The following ZNF527 variants were observed in gnomAD, a reference collection of about 807,000 sequenced individuals.
ZNF527 encodes zinc finger protein 527.
In ZNF527, 5 loss-of-function variants were observed where a neutral mutation model predicts 13.5. The observed-to-expected ratio is 0.37, with a 90% CI of 0.19 to 0.78. The LOEUF is 0.78. Ranked by LOEUF, ZNF527 falls within the 30% of genes least tolerant of loss-of-function variation. The probability of loss-of-function intolerance (pLI) is 0.48; values close to 1 mark genes in which losing one functional copy is unlikely to be tolerated. For missense variants in ZNF527, 628 were observed against 726.4 expected (o/e 0.86, Z 1.56); for synonymous variants, 209 against 243.1 (o/e 0.86, Z 1.30).
chr19:37,374,802 G>A (rs955996407), intron 2 of ZNF527, among the ~76,000 whole-genome samples: 8 of 152,184 alleles, frequency 5.3e-5, no homozygotes, highest in African/African-American at 1.7e-4. Context: ...GTGAAGGAGA[G>A]CCATTGGAAC....
rs33996770 is a variant in ZNF527, at chr19:37,390,034, C to CT, written c.*167dup. 50,222 of 726,630 alleles carry CT rather than the reference C, an allele frequency of 0.069. 264 individuals are homozygous for CT. The highest frequency in any genetic ancestry group is 0.11 in the African/African-American group (5,978 of 52,960). 45.0% of individuals were successfully genotyped at this position (726,630 alleles called of 1,614,324 possible). A position where few individuals can be genotyped will look rare whatever the true frequency, so the allele number is the denominator to read the frequency against. On this transcript the variant is annotated 3_prime_UTR_variant, in exon 5 of 5. Transcript: ENST00000436120. ...GTAGCTCAGTAGTAGACATCTGTTA[C>CT]TTTTTTTTTTTTCAGACAGAGTCTC...
chr19:37,374,469 G>A (rs2040583702), intron 2 of ZNF527, among the ~76,000 whole-genome samples: 1 of 152,260 alleles, frequency 6.6e-6, no homozygotes, highest in Non-Finnish European at 1.5e-5. Context: ...AGTCGGCAAT[G>A]AGTGCAAGTG....
rs1037350316 is a variant in ZNF527 at position 37,391,014 on chromosome 19, G to A, written c.*1135G>A. Reference sequence around the variant, plus strand: ...TCTTAGTTTTTTTCACATTATGGCTGAATATTTTAAAATTCACCAAGTAAA... The same window carrying A: ...TCTTAGTTTTTTTCACATTATGGCTAAATATTTTAAAATTCACCAAGTAAA... On this transcript the variant is annotated 3_prime_UTR_variant, in exon 5 of 5. Transcript: ENST00000436120. 3 of 152,048 alleles carry A rather than the reference G, an allele frequency of 2.0e-5. No homozygotes were observed. The highest frequency in any genetic ancestry group is 2.0e-4 in the Admixed American group (3 of 15,252). 9.4% of individuals were successfully genotyped at this position (152,048 alleles called of 1,614,324 possible).
At chr19:37,376,357 TA>T (rs1014069617) in intron 2 of ZNF527, among the ~76,000 whole-genome samples, 2 of 149,400 alleles carry the variant, frequency 1.3e-5, no homozygotes. Flanking sequence ...GACCCTGTCT[TA>T]AAAAAAAATA....
In ZNF527 at chr19:37,388,427, C is replaced by A. The variant is rs946340107; in HGVS notation, c.378C>A (p.Phe126Leu). The change falls in exon 5 of 5, where the codon TTC becomes TTA. Residue 126 changes from phenylalanine to leucine, a missense_variant. Physicochemically the swap from Phe to Leu is conservative, Grantham distance 22. Transcript: ENST00000436120. ...GTCATGGCCTTGAATGCTCCAGTTTCAGAGAAGCCTGGAAATATAAGGGTG... is the reference window on the plus strand; with the variant it reads ...GTCATGGCCTTGAATGCTCCAGTTTAAGAGAAGCCTGGAAATATAAGGGTG... ...LASHGLECSS[F>L]REAWKYKGEF... 1.2e-6 allele frequency: 2 copies of A among 1,613,994 alleles called. No homozygotes were observed. Among genetic ancestry groups the A allele is most frequent in the Non-Finnish European group, 1.7e-6 (2 of 1,180,036 alleles).
At position 37,389,515 on chromosome 19, in the gene ZNF527, A is replaced by G. The variant is rs773519260; in HGVS notation, c.1466A>G (p.His489Arg). 12 of 1,614,210 alleles carry G rather than the reference A, an allele frequency of 7.4e-6. No individual in the cohort carries two copies. Among genetic ancestry groups the G allele is most frequent in the East Asian group, 4.5e-5 (2 of 44,876 alleles). The stretch of plus-strand genomic sequence containing the variant: ...ACTGACTCACAACTTAATCGACATC[A>G]TAGAATTCACACTGGAGAGAGACCA... The part of the protein sequence containing the change: ...FRTDSQLNRH[H>R]RIHTGERPFE... Residue 489 changes from histidine (H) to arginine (R), a missense_variant, in exon 5 of 5, where the codon CAT (histidine) becomes CGT (arginine). Transcript: ENST00000436120.
chr19:37,392,200 GTCA>G lies in ZNF527; in HGVS notation c.*2326_*2328del, dbSNP rs994789789. On this transcript the variant is annotated 3_prime_UTR_variant, in exon 5 of 5. Coordinates refer to ENST00000436120, the MANE Select transcript of ZNF527 (RefSeq NM_032453.2). ...TATTAATATTATAAGCTTAATTCATGTCATCATTTCTTTATTTTTTATTATATT... is the reference window on the plus strand; with the variant it reads ...TATTAATATTATAAGCTTAATTCATGTCATTTCTTTATTTTTTATTATATT... 17 of 151,942 alleles carry G rather than the reference GTCA, an allele frequency of 1.1e-4. 1 individual carries two copies. Among genetic ancestry groups the G allele is most frequent in the South Asian group, 4.2e-4 (2 of 4,812 alleles). The allele number at this position is 151,942 out of a possible 1,614,324, so 9.4% of individuals were successfully genotyped here. A position where few individuals can be genotyped will look rare whatever the true frequency, so the allele number is the denominator to read the frequency against.
intron 2 of ZNF527, among the ~76,000 whole-genome samples, chr19:37,375,475 C>T (rs891660205): frequency 1.3e-5 from 2 of 151,186 alleles, no homozygotes; most frequent in Admixed American, 6.6e-5. Flanking sequence ...GATTCTCCTG[C>T]CTCAGCTTTC....
intron 4 of ZNF527, chr19:37,385,550 ATTTTC>A (rs879539980): frequency 2.8e-4 from 107 of 388,302 alleles, no homozygotes; most frequent in Non-Finnish European, 4.1e-4. Flanking sequence ...TTTGTTCATA[ATTTTC>A]TTTTATATTA....
Position 37,388,787 on chromosome 19 carries a change from T to G in ZNF527, c.738T>G (p.Tyr246Ter). 6.2e-7 allele frequency: 1 copy of G among 1,613,056 alleles called. No individual in the cohort carries two copies. The highest frequency in any genetic ancestry group is 8.5e-7 in the Non-Finnish European group (1 of 1,179,814). Residue 246 changes from tyrosine to a stop codon, truncating the protein, a stop_gained, in exon 5 of 5, where the codon TAT becomes TAG. Transcript: ENST00000436120. LOFTEE classifies it low-confidence loss of function (END_TRUNC). ...GAATTCCTCCTGGGGAGAAACCTTA[T>G]GAAAGTCATGATTTTTCAAAGCTCT... ...DIGIPPGEKP[Y>*]ESHDFSKLLS...
chr19:37,381,827 T>C (rs185368), intron 4 of ZNF527, among the ~76,000 whole-genome samples: 97,358 of 151,976 alleles, frequency 0.64, 32,840 homozygotes, highest in African/African-American at 0.86. Flanking sequence ...AGAGCTGCTC[T>C]TTCTCCTCCA....
chr19:37,384,151 C>G (rs2040678093), intron 4 of ZNF527, among the ~76,000 whole-genome samples: 1 of 151,826 alleles, frequency 6.6e-6, no homozygotes, highest in East Asian at 2.0e-4. Flanking sequence ...AACCCCGTCT[C>G]TACTAAAAAT....
Position 37,375,559 on chromosome 19 carries a change from C to T in ZNF527, c.33+1328C>T, listed in dbSNP as rs117069713. On this transcript the variant is annotated intron_variant, in intron 2 of 4. Transcript: ENST00000436120. ...GTATTTTTAGTAGAGATGGATTTCACGATGTTGGCCAAGATGGTCTTGATC... is the reference window on the plus strand; with the variant it reads ...GTATTTTTAGTAGAGATGGATTTCATGATGTTGGCCAAGATGGTCTTGATC... 3.2e-4 allele frequency among the ~76,000 whole-genome samples: 48 copies of T among 151,720 alleles called. No homozygotes were observed. In the East Asian group the frequency reaches 7.4e-3, roughly 23 times the overall value.
chr19:37,385,654 T>C (rs2040691653), intron 4 of ZNF527: 2 of 281,680 alleles, frequency 7.1e-6, no homozygotes, highest in Non-Finnish European at 1.3e-5. Flanking sequence ...ACTGATCTGA[T>C]GTAAATTAAC....
rs1206824509 is a variant in ZNF527, at chr19:37,371,120, C to A, written c.-148C>A. The A allele has an allele frequency of 6.5e-6, 1 of 152,738 alleles. No homozygotes were observed. The highest frequency in any genetic ancestry group is 1.5e-5 in the Non-Finnish European group (1 of 68,116). The allele number at this position is 152,738 out of a possible 1,614,324, so 9.5% of individuals were successfully genotyped here. On this transcript the variant is annotated 5_prime_UTR_variant, in exon 1 of 5. Transcript: ENST00000436120. Reference sequence around the variant, plus strand: ...GTTCAGATCTCGCAGAGCTCAGAGTCCTGCATGCCTCAGTCCTCGCCTCGC... The same window carrying A: ...GTTCAGATCTCGCAGAGCTCAGAGTACTGCATGCCTCAGTCCTCGCCTCGC...
chr19:37,372,629 C>G (rs543915304), intron 1 of ZNF527, among the ~76,000 whole-genome samples: 1 of 151,910 alleles, frequency 6.6e-6, no homozygotes, highest in East Asian at 1.9e-4. Context: ...CATGCCACCA[C>G]GCCCAACTAA....
chr19:37,389,178 C>A lies in ZNF527; in HGVS notation c.1129C>A (p.Gln377Lys), dbSNP rs993423483. The change falls in exon 5 of 5, where the codon CAG (glutamine) becomes AAG (lysine). Residue 377 changes from glutamine (Q) to lysine (K), a missense_variant. Gln to Lys is a moderately conservative substitution (Grantham distance 53). Transcript: ENST00000436120. Reference protein sequence around the residue: ...FSRYAFLVEHQRIHTGEKPYE... With the variant: ...FSRYAFLVEHKRIHTGEKPYE... ...CCGTTATGCCTTCCTTGTTGAACAT[C>A]AGAGAATTCACACAGGTGAGAAACC... The A allele has an allele frequency of 1.9e-6, 3 of 1,614,092 alleles. No homozygotes were observed. Among genetic ancestry groups the A allele is most frequent in the Middle Eastern group, 1.6e-4 (1 of 6,062 alleles).
chr19:37,385,494 A>C, intron 4 of ZNF527: 1 of 396,540 alleles, frequency 2.5e-6, no homozygotes, highest in East Asian at 3.6e-5. Flanking sequence ...GAAAGGTATA[A>C]AATGCAAGGG....
At position 37,388,863 on chromosome 19, in the gene ZNF527, T is replaced by C; in HGVS notation, c.814T>C (p.Leu272=). The C allele has an allele frequency of 6.2e-7, 1 of 1,614,140 alleles. No individual in the cohort carries two copies. Among genetic ancestry groups the C allele is most frequent in the South Asian group, 1.1e-5 (1 of 91,082 alleles). ...ACATCAGACCACTCATTTTGGAAAA[T>C]TACCCCATGGATACGATGAATGTGG... is the stretch of plus-strand genomic sequence containing the variant. ...TQHQTTHFGK[L]PHGYDECGDA... The change falls in exon 5 of 5, where the codon TTA becomes CTA. Residue 272 remains leucine, a synonymous_variant. Transcript: ENST00000436120.
Sources: allele counts gnomAD v4.1 joint callset (sites outside exome capture counted in the v4.1 genomes callset), GRCh38; gene constraint gnomAD v4.1.1; transcripts MANE v1.5; gene names NCBI Gene and HGNC (gene_info 2026-07-23, HGNC 2026-07-21).